The following NEK9 variants were observed in gnomAD, a reference collection of about 807,000 sequenced individuals.
NEK9 encodes the protein serine/threonine-protein kinase Nek9.
NEK9 carries 75 observed loss-of-function variants against 123.4 expected under a neutral mutation model. The observed-to-expected ratio is 0.61, with a 90% CI of 0.50 to 0.74. The LOEUF is 0.74. Among genes scored for constraint, NEK9 ranks in the 30% least tolerant of loss-of-function variants. NEK9 has a pLI of 0.00. For missense variants in NEK9, 952 were observed against 1,214.4 expected, an observed-to-expected ratio of 0.78 and a Z score of 3.21; for synonymous variants, 438 against 458.7, an observed-to-expected ratio of 0.95 and a Z score of 0.58.
intron 6 of NEK9, 116 bp downstream of exon 6, chr14:75,117,079 G>T: frequency 1.6e-6 from 2 of 1,215,336 alleles, no homozygotes; most frequent in African/African-American, 1.5e-5. Flanking sequence ...TCTTGTACCT[G>T]AATACAGGTT....
chr14:75,114,395 G>A (rs1200444534), intron 6 of NEK9, 82 bp from the exon 7 acceptor site: 1 of 1,060,784 alleles, frequency 9.4e-7, no homozygotes, highest in Non-Finnish European at 1.4e-6. Flanking sequence ...TCAGGTGTCT[G>A]TGACCATTAT....
chr14:75,114,857 T>C (rs1895076115), intron 6 of NEK9, among the ~76,000 whole-genome samples: 1 of 152,112 alleles, frequency 6.6e-6, no homozygotes, highest in Non-Finnish European at 1.5e-5. Context: ...AGGAAATTAT[T>C]ATCATTATCA....
chr14:75,109,862 A>G lies in NEK9; in HGVS notation c.1005T>C (p.Thr335=). 6.2e-7 allele frequency: 1 copy of G among 1,612,216 alleles called. No individual in the cohort carries two copies. The highest frequency in any genetic ancestry group is 8.5e-7 in the Non-Finnish European group (1 of 1,179,328). Residue 335 remains threonine, a synonymous_variant, in exon 10 of 22, where the codon ACT becomes ACC. Coordinates refer to ENST00000238616, the MANE Select transcript of NEK9 (RefSeq NM_033116.6). ...PTKRPRSSTV[T]EAPIAVVTSR... is the part of the protein sequence containing the mutation. ...ATGTTACTACAGCAATGGGTGCTTC[A>G]GTCACAGTGCTTGACCTGCCAACAA...
chr14:75,125,347 A>C (rs1036171044), intron 1 of NEK9, among the ~76,000 whole-genome samples: 1 of 152,228 alleles, frequency 6.6e-6, no homozygotes, highest in African/African-American at 2.4e-5. Flanking sequence ...CTAGAGAAAA[A>C]GAGTGCTTCT....
At chr14:75,104,018 A>T in intron 13 of NEK9, 21 bp from the exon 14 acceptor site, 1 of 1,597,828 alleles carries the variant, frequency 6.3e-7, no homozygotes, top group Non-Finnish European at 8.5e-7. Flanking sequence ...AAAATCAGAA[A>T]AAGAAATCCC....
In NEK9 at chr14:75,088,472, TCA is replaced by T; in HGVS notation, c.2604+6_2604+7del. The T allele has an allele frequency of 1.2e-6, 2 of 1,611,638 alleles. No homozygotes were observed. Among genetic ancestry groups the T allele is most frequent in the South Asian group, 2.2e-5 (2 of 90,826 alleles). The stretch of plus-strand genomic sequence containing the variant: ...TAGTTGTGATTCAAAGGCAAAAAGC[TCA>T]GTTACCGAGGCTTCTACTTGGGGTT... On this transcript the variant is annotated splice_donor_region_variant and intron_variant, in intron 20 of 21. Coordinates refer to ENST00000238616, the MANE Select transcript of NEK9 (RefSeq NM_033116.6).
chr14:75,114,201 A>ACCTG lies in NEK9; in HGVS notation c.871_873+1dup, dbSNP rs1451185828. ...TGAAGTGAATGTTTAAGTCACACCT[A>ACCTG]CCTGGTCAAGGCACGAATGAACCAT... On this transcript the variant is annotated splice_donor_variant, in intron 7 of 21. Transcript: ENST00000238616. LOFTEE classifies it high-confidence loss of function. 6.2e-7 allele frequency: 1 copy of ACCTG among 1,604,964 alleles called. No individual in the cohort carries two copies. Among genetic ancestry groups the ACCTG allele is most frequent in the Non-Finnish European group, 8.5e-7 (1 of 1,171,790 alleles).
In NEK9 at chr14:75,084,349, G is replaced by C. The variant is rs1177060856; in HGVS notation, c.*215C>G. On this transcript the variant is annotated 3_prime_UTR_variant, in exon 22 of 22. Coordinates refer to ENST00000238616, the MANE Select transcript of NEK9 (RefSeq NM_033116.6). ...TGATGACAAAGCCAGGGCCATGGGGGCCCTTCCATTCTCCAAAACAATAAA... is the reference window on the plus strand; with the variant it reads ...TGATGACAAAGCCAGGGCCATGGGGCCCCTTCCATTCTCCAAAACAATAAA... 3 of 580,160 alleles carry C rather than the reference G, an allele frequency of 5.2e-6. No homozygotes were observed. The highest frequency in any genetic ancestry group is 9.2e-6 in the Non-Finnish European group (3 of 325,266). The allele number at this position is 580,160 out of a possible 1,614,324, so 35.9% of individuals were successfully genotyped here. A position where few individuals can be genotyped will look rare whatever the true frequency, so the allele number is the denominator to read the frequency against.
Position 75,109,698 on chromosome 14 carries a change from A to G in NEK9, c.1169T>C (p.Leu390Pro). 1 of 1,613,382 alleles carries G rather than the reference A, an allele frequency of 6.2e-7. No homozygotes were observed. The highest frequency in any genetic ancestry group is 1.3e-5 in the African/African-American group (1 of 74,992). ...GCGTTCACTTACCACCCAAGTGTAC[A>G]GTTCCTTCTCCACTGTGACCACAGC... ...HFAVVTVEKELYTWVNMQGGT... is the reference protein window; with the variant it reads ...HFAVVTVEKEPYTWVNMQGGT... Residue 390 changes from leucine (L) to proline (P), a missense_variant, in exon 10 of 22, where the codon CTG (leucine) becomes CCG (proline). By Grantham distance (98) the Leu-to-Pro change is moderately conservative. Coordinates refer to ENST00000238616, the MANE Select transcript of NEK9 (RefSeq NM_033116.6).
upstream of NEK9, chr14:75,127,110 G>A: frequency 1.9e-6 from 1 of 539,060 alleles, no homozygotes; most frequent in Non-Finnish European, 3.2e-6. Flanking sequence ...AGTTTCCTCC[G>A]CCTTTGCTTA....
rs1893909795 is a variant in NEK9, at chr14:75,082,929, A to G, written c.*1635T>C. 1 of 398,512 alleles carries G rather than the reference A, an allele frequency of 2.5e-6. No homozygotes were observed. Among genetic ancestry groups the G allele is most frequent in the Non-Finnish European group, 4.4e-6 (1 of 226,068 alleles). The allele number at this position is 398,512 out of a possible 1,614,324, so 24.7% of individuals were successfully genotyped here. On this transcript the variant is annotated 3_prime_UTR_variant, in exon 22 of 22. Transcript: ENST00000238616. ...TTCAAGAAAAGGTTTCAGTGATTAC[A>G]TTAGTACTAATGTACTAGGCTTCCC...
At chr14:75,114,378 G>A in intron 6 of NEK9, 65 bp from the exon 7 acceptor site, 2 of 1,220,704 alleles carry the variant, frequency 1.6e-6, no homozygotes, top group Non-Finnish European at 2.4e-6. Context: ...TCTACTGGTA[G>A]GGGCTCTCAG....
chr14:75,106,336 G>A, intron 12 of NEK9, 166 bp downstream of exon 12: 4 of 655,728 alleles, frequency 6.1e-6, no homozygotes, highest in Non-Finnish European at 1.0e-5. Flanking sequence ...TCCAGCCTGG[G>A]TGACAGAGAG....
At chr14:75,119,725 T>C (rs1400351147) in intron 4 of NEK9, among the ~76,000 whole-genome samples, 1 of 152,204 alleles carries the variant, frequency 6.6e-6, no homozygotes, top group African/African-American at 2.4e-5. Flanking sequence ...ATTAGGCCAT[T>C]TAGTCATCTA....
chr14:75,114,615 T>A (rs531749348), intron 6 of NEK9, among the ~76,000 whole-genome samples: 11 of 152,198 alleles, frequency 7.2e-5, no homozygotes, highest in South Asian at 2.1e-4. Flanking sequence ...AGATTAGCCA[T>A]CCTTGTTGGC....
At chr14:75,089,899 A>G (rs1894155748) in intron 19 of NEK9, among the ~76,000 whole-genome samples, 1 of 151,518 alleles carries the variant, frequency 6.6e-6, no homozygotes, top group East Asian at 2.0e-4. Flanking sequence ...GGGTTTCACC[A>G]TGTTGGCCAG....
At chr14:75,089,501 T>G (rs181026944) in intron 19 of NEK9, among the ~76,000 whole-genome samples, 372 of 152,064 alleles carry the variant, frequency 2.4e-3, no homozygotes, top group Non-Finnish European at 4.2e-3. Context: ...AGTGCTGGGA[T>G]TACAGGTGTG....
At chr14:75,095,185 T>C (rs1416710240) in intron 18 of NEK9, among the ~76,000 whole-genome samples, 187 bp downstream of exon 18, 1 of 152,240 alleles carries the variant, frequency 6.6e-6, no homozygotes, top group Non-Finnish European at 1.5e-5. Flanking sequence ...AGTGTCTCTC[T>C]GACCACAATG....
chr14:75,115,405 C>T lies in NEK9; in HGVS notation c.763-1092G>A, dbSNP rs185666784. ...GTGCTGGGATCACAGGCATGAGCCA[C>T]CGCGCCCAGCCTCTGACTCCAAGTC... On this transcript the variant is annotated intron_variant, in intron 6 of 21. Coordinates refer to ENST00000238616, the MANE Select transcript of NEK9 (RefSeq NM_033116.6). Among the ~76,000 whole-genome samples the T allele has an allele frequency of 3.3e-5, 5 of 152,226 alleles. No homozygotes were observed. In the East Asian group the frequency reaches 9.7e-4, roughly 30 times the overall value.
Sources: gnomAD v4.1 joint callset for allele counts (sites outside exome capture counted in the v4.1 genomes callset) on GRCh38, gnomAD v4.1.1 for gene constraint, MANE v1.5 for transcripts, NCBI Gene and HGNC (gene_info 2026-07-23, HGNC 2026-07-21) for gene names.